ABCA10: variants seen among roughly 807,000 people sequenced by gnomAD.
ABCA10 encodes the protein ATP-binding cassette sub-family A member 10.
ABCA10 carries 169 observed loss-of-function variants against 187.5 expected under a neutral mutation model. That is an observed-to-expected ratio of 0.90 (90% CI 0.80 to 1.02). ABCA10 has a LOEUF of 1.02. Ranked by LOEUF, ABCA10 falls within the 50% of genes least tolerant of loss-of-function variation. ABCA10 has a pLI of 0.00. For missense variants in ABCA10, 1,727 were observed against 1,812.4 expected, an observed-to-expected ratio of 0.95 and a Z score of 0.86; for synonymous variants, 574 against 601.8, an observed-to-expected ratio of 0.95 and a Z score of 0.68.
At chr17:69,221,469 G>C (rs955334542) in intron 5 of ABCA10, among the ~76,000 whole-genome samples, 3 of 152,170 alleles carry the variant, frequency 2.0e-5, no homozygotes, top group African/African-American at 7.2e-5. Context: ...GAAAGGCAGA[G>C]ATTGAAAAGA....
intron 4 of ABCA10, among the ~76,000 whole-genome samples, chr17:69,222,137 T>G (rs1005489607): frequency 4.6e-5 from 7 of 151,994 alleles, no homozygotes; most frequent in Middle Eastern, 3.4e-3. Context: ...GGTGGATCAT[T>G]TGAGGTCAGG....
intron 9 of ABCA10, among the ~76,000 whole-genome samples, chr17:69,211,391 G>A (rs888778253): frequency 9.3e-5 from 13 of 140,046 alleles, no homozygotes; most frequent in African/African-American, 2.1e-4. Flanking sequence ...TTATCCACTC[G>A]TTGGTTGATA....
chr17:69,185,151 G>A (rs2074411557), intron 20 of ABCA10, among the ~76,000 whole-genome samples: 1 of 152,008 alleles, frequency 6.6e-6, no homozygotes, highest in Admixed American at 6.6e-5. Context: ...ACTTGGGAAA[G>A]GGTGGGACGG....
At chr17:69,243,150 T>C (rs919616107) in intron 1 of ABCA10, among the ~76,000 whole-genome samples, 4 of 152,254 alleles carry the variant, frequency 2.6e-5, no homozygotes, top group Admixed American at 1.3e-4. Flanking sequence ...ATAGCTCTTT[T>C]ATTGGCAAAT....
chr17:69,213,800 A>G (rs1026544440), intron 9 of ABCA10, among the ~76,000 whole-genome samples: 1 of 152,152 alleles, frequency 6.6e-6, no homozygotes, highest in Non-Finnish European at 1.5e-5. Context: ...TCTGCTCAGG[A>G]AAATTCATGC....
At chr17:69,180,255 C>T (rs931282749) in intron 22 of ABCA10, among the ~76,000 whole-genome samples, 8 of 152,104 alleles carry the variant, frequency 5.3e-5, no homozygotes, top group Admixed American at 1.3e-4. Flanking sequence ...CACAGCATAA[C>T]CAGTTATCCA....
intron 30 of ABCA10, 97 bp downstream of exon 30, chr17:69,154,922 G>T: frequency 1.3e-6 from 1 of 786,714 alleles, no homozygotes. Context: ...CAGGATATAT[G>T]AACAGTCTCA....
intron 1 of ABCA10, among the ~76,000 whole-genome samples, chr17:69,235,773 T>TA (rs149199225): frequency 0.015 from 2,192 of 146,396 alleles, 49 homozygotes; most frequent in African/African-American, 0.048. Flanking sequence ...TACTGAGATT[T>TA]AAAAAAAAGA....
In ABCA10 at chr17:69,148,329, T is replaced by C. The variant is rs191661570; in HGVS notation, c.*498A>G. 5 of 153,006 alleles carry C rather than the reference T, an allele frequency of 3.3e-5. No individual in the cohort carries two copies. The highest frequency in any genetic ancestry group is 9.6e-5 in the African/African-American group (4 of 41,460). The allele number at this position is 153,006 out of a possible 1,614,324, so 9.5% of individuals were successfully genotyped here. A position where few individuals can be genotyped will look rare whatever the true frequency, so the allele number is the denominator to read the frequency against. On this transcript the variant is annotated 3_prime_UTR_variant, in exon 39 of 39. Transcript: ENST00000690296. ...ACTTCAATATGTACTAAAATTCACA[T>C]GCATTTATTTTATAATCAGAATGTC...
At chr17:69,153,443 A>G (rs1568047950) in intron 33 of ABCA10, 28 bp downstream of exon 33, 1 of 1,613,936 alleles carries the variant, frequency 6.2e-7, no homozygotes, top group Admixed American at 1.7e-5. Flanking sequence ...CCATGGGTGC[A>G]CAGGGAAACC....
intron 23 of ABCA10, 88 bp downstream of exon 23, chr17:69,175,318 C>A: frequency 8.9e-7 from 1 of 1,118,204 alleles, no homozygotes; most frequent in Non-Finnish European, 1.3e-6. Flanking sequence ...AACCAAAGTA[C>A]AACTGTGTGT....
Position 69,164,095 on chromosome 17 carries a change from G to A in ABCA10, c.3342C>T (p.Thr1114=). The A allele has an allele frequency of 6.3e-7, 1 of 1,580,210 alleles. No individual in the cohort carries two copies. The change falls in exon 27 of 39, where the codon ACC becomes ACT. Residue 1114 remains threonine, a synonymous_variant. Transcript: ENST00000690296. The part of the protein sequence containing the change: ...LDNRINEVNK[T]ILLTTLIPYL... ...TTACTATTAAGGTTGTTAAAAGAAT[G>A]GTTTTATTGACTTCATTTATTCTAT... is the stretch of plus-strand genomic sequence containing the variant.
In ABCA10 at chr17:69,217,715, G is replaced by T. The variant is rs200473020; in HGVS notation, c.531-1357C>A. On this transcript the variant is annotated intron_variant, in intron 6 of 38. Coordinates refer to ENST00000690296, the MANE Select transcript of ABCA10 (RefSeq NM_001377321.1). ...AAGTAGAAGGGATAATATACAAGAA[G>T]TGTGAGGGCTTTACAAGAAATATAG... 1.2e-4 allele frequency among the ~76,000 whole-genome samples: 19 copies of T among 152,312 alleles called. No individual in the cohort carries two copies. The East Asian group carries it at 3.1e-3, about 25-fold the overall frequency.
At chr17:69,164,357 A>G (rs2074240466) in intron 26 of ABCA10, among the ~76,000 whole-genome samples, 1 of 152,114 alleles carries the variant, frequency 6.6e-6, no homozygotes, top group African/African-American at 2.4e-5. Flanking sequence ...AACACTGTTT[A>G]TTTTCCAATT....
At chr17:69,237,628 T>C (rs2074880020) in intron 1 of ABCA10, among the ~76,000 whole-genome samples, 1 of 152,224 alleles carries the variant, frequency 6.6e-6, no homozygotes, top group South Asian at 2.1e-4. Flanking sequence ...TGACTGCGGC[T>C]AGTACAGTTT....
At chr17:69,215,194 T>C (rs1273867032) in intron 8 of ABCA10, among the ~76,000 whole-genome samples, 2 of 152,144 alleles carry the variant, frequency 1.3e-5, no homozygotes, top group South Asian at 4.1e-4. Flanking sequence ...TTAGAGCCCA[T>C]TTAAAGAAAC....
At chr17:69,210,163 G>GT (rs1568069436) in intron 9 of ABCA10, among the ~76,000 whole-genome samples, 4 of 123,846 alleles carry the variant, frequency 3.2e-5, no homozygotes, top group African/African-American at 1.0e-4. Context: ...TTATTTAGTG[G>GT]TTATTTCTTT....
At chr17:69,153,240 A>C (rs149740416) in intron 34 of ABCA10, 65 bp downstream of exon 34, 2 of 1,523,140 alleles carry the variant, frequency 1.3e-6, no homozygotes, top group Non-Finnish European at 1.8e-6. Context: ...AACAAAACAA[A>C]AACAAAAACA....
chr17:69,182,146 TAC>T lies in ABCA10; in HGVS notation c.2769+5_2769+6del. 6.4e-7 allele frequency: 1 copy of T among 1,571,812 alleles called. No homozygotes were observed. The highest frequency in any genetic ancestry group is 8.6e-7 in the Non-Finnish European group (1 of 1,159,840). ...TGCCTCTTATATAAGTCGAATACTC[TAC>T]TTACACGAGAAAATGAAGTGCTCTC... On this transcript the variant is annotated splice_donor_5th_base_variant and intron_variant, in intron 22 of 38. Transcript: ENST00000690296.
Sources: allele counts gnomAD v4.1 joint callset (sites outside exome capture counted in the v4.1 genomes callset), GRCh38; gene constraint gnomAD v4.1.1; transcripts MANE v1.5; gene names NCBI Gene and HGNC (gene_info 2026-07-23, HGNC 2026-07-21).